ALOX5AP: variants seen among roughly 807,000 people sequenced by gnomAD.
The protein encoded by ALOX5AP is arachidonate 5-lipoxygenase-activating protein.
A neutral mutation model predicts 18.5 loss-of-function variants in ALOX5AP; 9 were observed. The observed-to-expected ratio is 0.49, with a 90% confidence interval of 0.29 to 0.85. The LOEUF (loss-of-function observed/expected upper bound fraction) is 0.85, where lower values mean the gene tolerates loss of function less well. Ranked by LOEUF, ALOX5AP falls within the 40% of genes least tolerant of loss-of-function variation. ALOX5AP has a pLI of 0.08. For synonymous variants in ALOX5AP, 81 were observed against 78.6 expected (o/e 1.03, Z -0.16); for missense variants, 172 against 202.5 (o/e 0.85, Z 0.91).
At chr13:30,756,546 C>T (rs1243543750) in intron 4 of ALOX5AP, among the ~76,000 whole-genome samples, 1 of 152,102 alleles carries the variant, frequency 6.6e-6, no homozygotes, top group Non-Finnish European at 1.5e-5. Flanking sequence ...CAGCGGCTCA[C>T]GCCTATAATC....
chr13:30,735,723 T>C (rs757726001), intron 1 of ALOX5AP, 48 bp downstream of exon 1: 3 of 1,603,232 alleles, frequency 1.9e-6, no homozygotes, highest in East Asian at 2.2e-5. Flanking sequence ...GAGATTTTCT[T>C]TGATGGTTGT....
intron 1 of ALOX5AP, among the ~76,000 whole-genome samples, chr13:30,739,840 C>T (rs1037313347): frequency 2.0e-5 from 3 of 152,228 alleles, no homozygotes; most frequent in African/African-American, 7.2e-5. Flanking sequence ...AAAACCTAAT[C>T]ATCTGACTTT....
chr13:30,745,807 G>C (rs1022899375), intron 2 of ALOX5AP, among the ~76,000 whole-genome samples: 1 of 152,170 alleles, frequency 6.6e-6, no homozygotes, highest in East Asian at 1.9e-4. Context: ...GATGAGGCAA[G>C]GTCAAAACTT....
At chr13:30,722,974 T>C (rs538425426) in intron 1 of ALOX5AP, among the ~76,000 whole-genome samples, 47 of 152,346 alleles carry the variant, frequency 3.1e-4, no homozygotes, top group Non-Finnish European at 5.9e-4. Flanking sequence ...TTGTACAGCC[T>C]GCAGAACCAT....
intron 3 of ALOX5AP, among the ~76,000 whole-genome samples, chr13:30,754,131 C>G (rs766268216): frequency 6.6e-6 from 1 of 152,068 alleles, no homozygotes; most frequent in Non-Finnish European, 1.5e-5. Context: ...GCCAGCTACT[C>G]GGGAGGCTGA....
chr13:30,751,984 T>C, intron 2 of ALOX5AP, 68 bp from the exon 3 acceptor site: 1 of 1,427,434 alleles, frequency 7.0e-7, no homozygotes, highest in Non-Finnish European at 9.9e-7. Context: ...AACTTTCAGG[T>C]AATTTTCAGA....
intron 1 of ALOX5AP, among the ~76,000 whole-genome samples, chr13:30,723,885 C>T (rs1017903742): frequency 2.0e-5 from 3 of 152,152 alleles, no homozygotes; most frequent in African/African-American, 4.8e-5. Flanking sequence ...CAGGTGCATG[C>T]CACTGTGCTC....
chr13:30,761,756 A>G (rs1951943701), intron 4 of ALOX5AP, among the ~76,000 whole-genome samples: 1 of 152,156 alleles, frequency 6.6e-6, no homozygotes, highest in African/African-American at 2.4e-5. Context: ...TCTTCACATC[A>G]TCACCTCACT....
chr13:30,719,973 T>C (rs972873152), intron 1 of ALOX5AP, among the ~76,000 whole-genome samples: 1 of 152,166 alleles, frequency 6.6e-6, no homozygotes, highest in Non-Finnish European at 1.5e-5. Flanking sequence ...GCAATTCTCC[T>C]GCCTCAGCCT....
chr13:30,750,447 C>T (rs1951843461), intron 2 of ALOX5AP, among the ~76,000 whole-genome samples: 1 of 152,164 alleles, frequency 6.6e-6, no homozygotes, highest in African/African-American at 2.4e-5. Context: ...ATCTGGACTG[C>T]AGACTTCTCA....
At chr13:30,720,441 A>G (rs2137787226) in intron 1 of ALOX5AP, among the ~76,000 whole-genome samples, 1 of 152,372 alleles carries the variant, frequency 6.6e-6, no homozygotes, top group South Asian at 2.1e-4. Flanking sequence ...CAGGAATGAT[A>G]ACAAAATATA....
chr13:30,764,106 ACT>A lies in ALOX5AP; in HGVS notation c.*5_*6del. 2 of 1,613,202 alleles carry A rather than the reference ACT, an allele frequency of 1.2e-6. No individual in the cohort carries two copies. The highest frequency in any genetic ancestry group is 1.7e-6 in the Non-Finnish European group (2 of 1,179,640). On this transcript the variant is annotated 3_prime_UTR_variant, in exon 5 of 5. Coordinates refer to ENST00000380490, the MANE Select transcript of ALOX5AP (RefSeq NM_001629.4). ...TCTCCCCTCTACTTCTCATTCCCTA[ACT>A]CTCTGCTGAATATGGGGTTGGTGTT...
chr13:30,759,828 G>A (rs921254412), intron 4 of ALOX5AP, among the ~76,000 whole-genome samples: 1 of 152,094 alleles, frequency 6.6e-6, no homozygotes, highest in Admixed American at 6.5e-5. Flanking sequence ...AATCATCTGT[G>A]GTGCTTATTA....
intron 2 of ALOX5AP, among the ~76,000 whole-genome samples, chr13:30,748,001 C>G (rs926560370): frequency 6.6e-6 from 1 of 152,074 alleles, no homozygotes; most frequent in African/African-American, 2.4e-5. Flanking sequence ...CTGACTGCAA[C>G]CTCTGCCTTC....
At chr13:30,746,062 G>A (rs541648628) in intron 2 of ALOX5AP, among the ~76,000 whole-genome samples, 2 of 152,222 alleles carry the variant, frequency 1.3e-5, no homozygotes, top group Non-Finnish European at 2.9e-5. Flanking sequence ...ACGTGCCCCC[G>A]GGAGTGAACA....
At chr13:30,745,193 T>C (rs1951799770) in intron 2 of ALOX5AP, among the ~76,000 whole-genome samples, 1 of 152,224 alleles carries the variant, frequency 6.6e-6, no homozygotes, top group South Asian at 2.1e-4. Context: ...CTCACTGATA[T>C]ACTCTCTCTT....
upstream of ALOX5AP, among the ~76,000 whole-genome samples, chr13:30,733,003 A>T (rs374128734): frequency 2.6e-5 from 4 of 151,918 alleles, no homozygotes; most frequent in South Asian, 8.3e-4. Flanking sequence ...AAAAAATATA[A>T]AAAAAATTAG....
chr13:30,761,870 C>A (rs915169820), intron 4 of ALOX5AP, among the ~76,000 whole-genome samples: 3 of 152,196 alleles, frequency 2.0e-5, no homozygotes, highest in Non-Finnish European at 2.9e-5. Context: ...TCTTTAAACA[C>A]CCTGTCTCCA....
intron 1 of ALOX5AP, among the ~76,000 whole-genome samples, chr13:30,717,229 T>C (rs1433224578): frequency 1.2e-4 from 18 of 152,220 alleles, no homozygotes; most frequent in Admixed American, 1.2e-3. Context: ...AGACCTCTTT[T>C]TGGGCAGGGT....
Sources: gnomAD v4.1 joint callset for allele counts (sites outside exome capture counted in the v4.1 genomes callset) on GRCh38, gnomAD v4.1.1 for gene constraint, MANE v1.5 for transcripts, NCBI Gene and HGNC (gene_info 2026-07-23, HGNC 2026-07-21) for gene names.